DGKD: variants seen among roughly 807,000 people sequenced by gnomAD.
The protein encoded by DGKD is DAG kinase delta.
A neutral mutation model predicts 154.4 loss-of-function variants in DGKD; 68 were observed. The observed-to-expected ratio is 0.44, with a 90% CI of 0.36 to 0.54. The LOEUF (loss-of-function observed/expected upper bound fraction) is 0.54. Ranked by LOEUF, DGKD falls within the 20% of genes least tolerant of loss-of-function variation. The probability of loss-of-function intolerance (pLI) is 0.00; values close to 1 mark genes in which losing one functional copy is unlikely to be tolerated. For missense variants in DGKD, 1,343 were observed against 1,593.6 expected (o/e 0.84, Z 2.68); for synonymous variants, 693 against 638.0 (o/e 1.09, Z -1.30).
rs1255573734 is a variant in DGKD at position 233,454,843 on chromosome 2, A to G, written c.2345A>G (p.Asn782Ser). The G allele has an allele frequency of 1.9e-6, 3 of 1,613,996 alleles. No homozygotes were observed. The Admixed American group carries it at 5.0e-5, about 27-fold the overall frequency. Residue 782 changes from asparagine to serine, a missense_variant, in exon 19 of 30, where the codon AAC becomes AGC. By Grantham distance (46) the Asn-to-Ser change is conservative. Coordinates refer to ENST00000264057, the MANE Select transcript of DGKD (RefSeq NM_152879.3). ...GCGAAGATATCCCTGGACTTTAACAACAAGCGCGATGAGCACCCAGAGAAG... is the reference window on the plus strand; with the variant it reads ...GCGAAGATATCCCTGGACTTTAACAGCAAGCGCGATGAGCACCCAGAGAAG... Reference protein sequence around the residue: ...LDAKISLDFNNKRDEHPEKCR... With the variant: ...LDAKISLDFNSKRDEHPEKCR...
At chr2:233,424,634 T>A (rs2062230081) in intron 3 of DGKD, among the ~76,000 whole-genome samples, 1 of 151,972 alleles carries the variant, frequency 6.6e-6, no homozygotes, top group South Asian at 2.1e-4. Flanking sequence ...ACCACCCAGA[T>A]GAGGAGAGGC....
chr2:233,438,341 C>T lies in DGKD; in HGVS notation c.1047C>T (p.Ala349=), dbSNP rs777485542. The T allele has an allele frequency of 6.2e-7, 1 of 1,614,130 alleles. No individual in the cohort carries two copies. ...GATTCAAACAGCTACTAAACCCCGC[C>T]CAGGTCTTCGACCTCATGAACGGAG... ...LRRFKQLLNP[A]QVFDLMNGGP... is the part of the protein sequence containing the mutation. The change falls in exon 9 of 30, where the codon GCC becomes GCT. Residue 349 remains alanine (A), a synonymous_variant. Transcript: ENST00000264057. This position sits in a 1 kb window ranked among gnomAD's most constrained non-coding sequence, Gnocchi z 4.1.
chr2:233,385,970 G>A (rs1178280209), intron 1 of DGKD: 6 of 470,786 alleles, frequency 1.3e-5, no homozygotes, highest in African/African-American at 6.0e-5. Context: ...ACTCTCATCC[G>A]CCCTCAGAAA....
chr2:233,383,841 A>C (rs1336641584), intron 1 of DGKD, among the ~76,000 whole-genome samples: 1 of 152,188 alleles, frequency 6.6e-6, no homozygotes, highest in Admixed American at 6.5e-5. Context: ...ACATAAGCAG[A>C]TATTTACTTA....
In DGKD at chr2:233,390,482, C is replaced by T; in HGVS notation, c.347C>T (p.Thr116Met). ...ACCAAAAACGTCAACAACAGTTTTA[C>T]GGTAAGATTCCTCAGTCATGCCTTT... Reference protein sequence around the residue: ...SSTKNVNNSFTVITPCRKLIL... With the variant: ...SSTKNVNNSFMVITPCRKLIL... The change falls in exon 3 of 30, where the codon ACG becomes ATG. Residue 116 changes from threonine (T) to methionine (M), a missense_variant and splice_region_variant. Thr to Met is a moderately conservative substitution (Grantham distance 81). Transcript: ENST00000264057. The T allele has an allele frequency of 1.9e-6, 3 of 1,612,768 alleles. No homozygotes were observed. The highest frequency in any genetic ancestry group is 2.2e-5 in the East Asian group (1 of 44,860).
In DGKD at chr2:233,458,853, C is replaced by T. The variant is rs1005331931; in HGVS notation, c.2694+456C>T. Among the ~76,000 whole-genome samples the T allele has an allele frequency of 2.0e-5, 3 of 152,160 alleles. No homozygotes were observed. The South Asian group carries it at 6.2e-4, about 32-fold the overall frequency. On this transcript the variant is annotated intron_variant, in intron 22 of 29. Coordinates refer to ENST00000264057, the MANE Select transcript of DGKD (RefSeq NM_152879.3). This position sits in a 1 kb window ranked among gnomAD's most constrained non-coding sequence, Gnocchi z 6.6. Reference sequence around the variant, plus strand: ...AAATGATCCACCCACCTTGGCCTCCCAAAGTGTTGGGATTACAGGTGTGAG... The same window carrying T: ...AAATGATCCACCCACCTTGGCCTCCTAAAGTGTTGGGATTACAGGTGTGAG...
intron 3 of DGKD, among the ~76,000 whole-genome samples, chr2:233,393,494 G>A (rs1254407886): frequency 2.0e-5 from 3 of 151,424 alleles, no homozygotes; most frequent in Non-Finnish European, 4.4e-5. Context: ...GTCCCACCAC[G>A]CCTGGCTGAT....
At chr2:233,396,179 C>T (rs1447477023) in intron 3 of DGKD, among the ~76,000 whole-genome samples, 4 of 152,118 alleles carry the variant, frequency 2.6e-5, no homozygotes, top group African/African-American at 7.2e-5. Context: ...CATTTCTGCT[C>T]GGAGACTCAG....
chr2:233,390,360 C>T (rs777963476), intron 2 of DGKD, 43 bp from the exon 3 acceptor site: 2 of 1,529,614 alleles, frequency 1.3e-6, no homozygotes, highest in East Asian at 2.3e-5. Flanking sequence ...TAGGGATGTA[C>T]CTGTCTTTAT....
chr2:233,410,209 GA>G (rs1461132115), intron 3 of DGKD, among the ~76,000 whole-genome samples: 9 of 150,264 alleles, frequency 6.0e-5, no homozygotes, highest in Admixed American at 3.3e-4. Context: ...AAATAGTTAA[GA>G]GGGGGATTGG....
At position 233,438,654 on chromosome 2, in the gene DGKD, T is replaced by C. The variant is rs1464593389; in HGVS notation, c.1085+275T>C. On this transcript the variant is annotated intron_variant, in intron 9 of 29. Coordinates refer to ENST00000264057, the MANE Select transcript of DGKD (RefSeq NM_152879.3). The surrounding 1 kb of genome is among the most constrained non-coding windows in gnomAD (Gnocchi z 4.1). ...TCTTTTGAGCCAATCAGGATTCTTC[T>C]TTACCTGCCGTTGCACAAATGCCTT... Among the ~76,000 whole-genome samples the C allele has an allele frequency of 6.6e-6, 1 of 151,726 alleles. No individual in the cohort carries two copies.
At chr2:233,433,055 A>G (rs904527342) in intron 3 of DGKD, among the ~76,000 whole-genome samples, 2 of 152,244 alleles carry the variant, frequency 1.3e-5, no homozygotes, top group Non-Finnish European at 2.9e-5. Flanking sequence ...AAGTCAAAAT[A>G]CAATTACCGT....
intron 3 of DGKD, among the ~76,000 whole-genome samples, chr2:233,426,455 C>T: frequency 6.6e-6 from 1 of 152,134 alleles, no homozygotes; most frequent in East Asian, 1.9e-4. Context: ...CGGAATCCCT[C>T]CTGTGTGCCC....
intron 1 of DGKD, among the ~76,000 whole-genome samples, chr2:233,382,326 C>T (rs572290887): frequency 2.0e-5 from 3 of 152,198 alleles, no homozygotes; most frequent in South Asian, 2.1e-4. Flanking sequence ...TTTTTTATTC[C>T]AGTATTTCCA....
At chr2:233,389,627 C>T (rs998894551) in intron 2 of DGKD, among the ~76,000 whole-genome samples, 2 of 150,224 alleles carry the variant, frequency 1.3e-5, no homozygotes, top group African/African-American at 4.9e-5. Flanking sequence ...TCTGGTGGTG[C>T]GGGGAGGGGA....
intron 3 of DGKD, among the ~76,000 whole-genome samples, chr2:233,398,761 A>C (rs1450711239): frequency 6.6e-6 from 1 of 152,116 alleles, no homozygotes; most frequent in African/African-American, 2.4e-5. Flanking sequence ...AGTAGCTGGG[A>C]TTACAGGCTC....
chr2:233,410,579 T>C (rs915574064), intron 3 of DGKD, among the ~76,000 whole-genome samples: 6 of 152,232 alleles, frequency 3.9e-5, no homozygotes, highest in African/African-American at 1.4e-4. Flanking sequence ...CTCTTATCTT[T>C]AGCACTCACT....
chr2:233,459,691 T>C lies in DGKD; in HGVS notation c.2695-66T>C, dbSNP rs1189944289. On this transcript the variant is annotated intron_variant, in intron 22 of 29. Coordinates refer to ENST00000264057, the MANE Select transcript of DGKD (RefSeq NM_152879.3). This position sits in a 1 kb window ranked among gnomAD's most constrained non-coding sequence, Gnocchi z 5.7. ...TGGAGCAGGAAGGTCATGGTGGTGC[T>C]GATAGCACTTTTAAACCCCTGGGGG... 1 of 1,573,670 alleles carries C rather than the reference T, an allele frequency of 6.4e-7. No homozygotes were observed. The highest frequency in any genetic ancestry group is 1.3e-5 in the African/African-American group (1 of 74,248).
intron 3 of DGKD, among the ~76,000 whole-genome samples, chr2:233,400,219 A>C (rs930586755): frequency 3.9e-5 from 6 of 152,224 alleles, no homozygotes; most frequent in Non-Finnish European, 8.8e-5. Context: ...AATTTAGCAA[A>C]GATTTTCTAG....
Sources: allele counts gnomAD v4.1 joint callset (sites outside exome capture counted in the v4.1 genomes callset), GRCh38; gene constraint gnomAD v4.1.1; non-coding constraint Gnocchi (gnomAD v3.1); transcripts MANE v1.5; gene names NCBI Gene and HGNC (gene_info 2026-07-23, HGNC 2026-07-21).